CTNNA2: variants seen among roughly 807,000 people sequenced by gnomAD.
CTNNA2 encodes catenin alpha-2.
A neutral mutation model predicts 101.0 loss-of-function variants in CTNNA2; 42 were observed. That is an observed-to-expected ratio of 0.42 (90% confidence interval 0.32 to 0.54). The LOEUF (loss-of-function observed/expected upper bound fraction) is 0.54, where lower values mean the gene tolerates loss of function less well. Among genes scored for constraint, CTNNA2 ranks in the 20% least tolerant of loss-of-function variants. The pLI, the probability that CTNNA2 is intolerant of heterozygous loss-of-function variation, is 0.14. For synonymous variants in CTNNA2, 450 were observed against 456.4 expected, an observed-to-expected ratio of 0.99 and a Z score of 0.18; for missense variants, 871 against 1,223.1, an observed-to-expected ratio of 0.71 and a Z score of 4.29.
At chr2:79,709,526 G>A (rs1396578388) in intron 2 of CTNNA2, among the ~76,000 whole-genome samples, 2 of 151,956 alleles carry the variant, frequency 1.3e-5, no homozygotes, top group Non-Finnish European at 2.9e-5. Context: ...TAAAGTACTT[G>A]GCAATCCAAA....
rs13430231 is a variant in CTNNA2, at chr2:79,515,052, T to C, written c.-6+1845T>C. Among the ~76,000 whole-genome samples, 803 of 152,322 alleles carry C rather than the reference T, an allele frequency of 5.3e-3. 9 individuals are homozygous for C. The highest frequency in any genetic ancestry group is 0.017 in the African/African-American group (702 of 41,576). ...GATAGTTAATCACCTGAGTCAGTGCTGGGGAAGTGTGTAATATTAGGAGTG... is the reference window on the plus strand; with the variant it reads ...GATAGTTAATCACCTGAGTCAGTGCCGGGGAAGTGTGTAATATTAGGAGTG... On this transcript the variant is annotated intron_variant, in intron 1 of 18. Transcript: ENST00000402739.
intron 7 of CTNNA2, among the ~76,000 whole-genome samples, chr2:80,215,912 A>C (rs981168281): frequency 6.6e-5 from 10 of 152,162 alleles, no homozygotes; most frequent in African/African-American, 2.4e-4. Context: ...GGCTCCACCC[A>C]ATTCGAGCTT....
chr2:80,217,347 G>A (rs995968131), intron 7 of CTNNA2, among the ~76,000 whole-genome samples: 3 of 151,890 alleles, frequency 2.0e-5, no homozygotes, highest in African/African-American at 4.8e-5. Context: ...CCAGTGTCTC[G>A]GGGTCCAAGG....
At chr2:79,642,663 T>C (rs1046292936) in intron 1 of CTNNA2, among the ~76,000 whole-genome samples, 4 of 152,172 alleles carry the variant, frequency 2.6e-5, no homozygotes, top group African/African-American at 9.7e-5. Flanking sequence ...AAATGCCATC[T>C]TCCTCCCACC....
At chr2:79,449,260 G>T (rs1263096264) in intron 4 of CTNNA2, among the ~76,000 whole-genome samples, 2 of 152,050 alleles carry the variant, frequency 1.3e-5, no homozygotes, top group Non-Finnish European at 2.9e-5. Flanking sequence ...GAGAATGGAA[G>T]TGATAAGAAA....
At chr2:79,547,714 G>A (rs575323713) in intron 1 of CTNNA2, 2 of 152,300 alleles carry the variant, frequency 1.3e-5, no homozygotes, top group East Asian at 3.9e-4. Flanking sequence ...CCAAGTTCAG[G>A]ACTATCACTG....
chr2:80,088,290 A>G (rs1699574394), intron 7 of CTNNA2, among the ~76,000 whole-genome samples: 1 of 152,024 alleles, frequency 6.6e-6, no homozygotes, highest in Non-Finnish European at 1.5e-5. Flanking sequence ...TATTAAACCC[A>G]TATATGATTC....
rs565940374 is a variant in CTNNA2 at position 79,783,206 on chromosome 2, C to A, written c.298+38624C>A. On this transcript the variant is annotated intron_variant, in intron 3 of 18. Coordinates refer to ENST00000402739, the MANE Select transcript of CTNNA2 (RefSeq NM_001282597.3). ...TCATAGGTCTGCCAGAGGCTGGAAA[C>A]TGTGCCAATGGTGGCCAGGGACAGA... 2.6e-5 allele frequency among the ~76,000 whole-genome samples: 4 copies of A among 152,310 alleles called. 1 individual carries two copies. Among genetic ancestry groups the A allele is most frequent in the Admixed American group, 2.6e-4 (4 of 15,296 alleles).
chr2:80,422,944 C>T (rs1319078773), intron 9 of CTNNA2, among the ~76,000 whole-genome samples: 3 of 151,754 alleles, frequency 2.0e-5, no homozygotes, highest in Non-Finnish European at 4.4e-5. Context: ...GTTAATTTGC[C>T]TTCTAGGAAT....
chr2:80,120,446 G>T (rs1701768427), intron 7 of CTNNA2, among the ~76,000 whole-genome samples: 1 of 152,144 alleles, frequency 6.6e-6, no homozygotes, highest in African/African-American at 2.4e-5. Flanking sequence ...GTGCTCATTG[G>T]ATCCTCCTTT....
chr2:80,269,536 A>G (rs577719602), intron 7 of CTNNA2, among the ~76,000 whole-genome samples: 2 of 152,312 alleles, frequency 1.3e-5, no homozygotes, highest in South Asian at 4.1e-4. Context: ...TGCTCTTGCA[A>G]TTTAGATATT....
chr2:80,267,115 G>T (rs892250014), intron 7 of CTNNA2, among the ~76,000 whole-genome samples: 1 of 152,088 alleles, frequency 6.6e-6, no homozygotes, highest in African/African-American at 2.4e-5. Flanking sequence ...ATCCTTCCCT[G>T]AGGGCTATAT....
chr2:80,461,120 C>T (rs1336907341), intron 9 of CTNNA2, among the ~76,000 whole-genome samples: 4 of 152,276 alleles, frequency 2.6e-5, no homozygotes, highest in Middle Eastern at 3.4e-3. Context: ...TAGCCAGGCT[C>T]CTAAATCTTT....
intron 7 of CTNNA2, among the ~76,000 whole-genome samples, chr2:80,357,563 C>T (rs1673960603): frequency 6.6e-6 from 1 of 152,056 alleles, no homozygotes; most frequent in African/African-American, 2.4e-5. Context: ...CTTCCCTGCT[C>T]CCCGATTCCA....
At chr2:79,687,587 T>G in intron 2 of CTNNA2, 1 of 707,582 alleles carries the variant, frequency 1.4e-6, no homozygotes, top group South Asian at 1.5e-5. Flanking sequence ...CCACCGGATA[T>G]TTCAAATGAA....
intron 4 of CTNNA2, among the ~76,000 whole-genome samples, chr2:79,865,219 A>G (rs1681948665): frequency 6.6e-6 from 1 of 152,162 alleles, no homozygotes; most frequent in East Asian, 1.9e-4. Context: ...AATCAAGAAG[A>G]CCAACTTAAC....
intron 7 of CTNNA2, among the ~76,000 whole-genome samples, chr2:80,213,369 C>A (rs1708033193): frequency 6.6e-6 from 1 of 152,124 alleles, no homozygotes; most frequent in Non-Finnish European, 1.5e-5. Flanking sequence ...AAATTTCCCT[C>A]TACACACTGC....
chr2:79,833,801 A>G (rs1010907476), intron 3 of CTNNA2, among the ~76,000 whole-genome samples: 1 of 152,204 alleles, frequency 6.6e-6, no homozygotes, highest in Non-Finnish European at 1.5e-5. Flanking sequence ...TTTTTGCCAT[A>G]TATGCATCCA....
At chr2:80,017,359 T>A (rs1694225086) in intron 7 of CTNNA2, among the ~76,000 whole-genome samples, 1 of 152,094 alleles carries the variant, frequency 6.6e-6, no homozygotes, top group South Asian at 2.1e-4. Flanking sequence ...AAATGGTAGT[T>A]CTTCCTGTAT....
Sources: gnomAD v4.1 joint callset for allele counts (sites outside exome capture counted in the v4.1 genomes callset) on GRCh38, gnomAD v4.1.1 for gene constraint, MANE v1.5 for transcripts, NCBI Gene and HGNC (gene_info 2026-07-23, HGNC 2026-07-21) for gene names.